ZNF407: variants seen among roughly 807,000 people sequenced by gnomAD.
ZNF407 encodes zinc finger protein 407.
In ZNF407, 17 loss-of-function variants were observed where a neutral mutation model predicts 131.2. That is an observed-to-expected ratio of 0.13 (90% CI 0.09 to 0.19). The LOEUF (loss-of-function observed/expected upper bound fraction) is 0.19. Ranked by LOEUF, ZNF407 falls within the 10% of genes least tolerant of loss-of-function variation. The pLI is 1.00. For synonymous variants in ZNF407, 1,156 were observed against 1,062.0 expected (o/e 1.09, Z -1.72); for missense variants, 2,681 against 2,830.6 (o/e 0.95, Z 1.20).
At chr18:74,614,058 A>G (rs1599130416) in intron 1 of ZNF407, among the ~76,000 whole-genome samples, 1 of 152,312 alleles carries the variant, frequency 6.6e-6, no homozygotes, top group African/African-American at 2.4e-5. Context: ...TCAGAGTTTG[A>G]TATATGATTA....
intron 8 of ZNF407, among the ~76,000 whole-genome samples, chr18:74,944,420 A>G (rs1972132440): frequency 6.6e-6 from 1 of 152,204 alleles, no homozygotes; most frequent in Non-Finnish European, 1.5e-5. Flanking sequence ...TTGCCATCAA[A>G]GATGTATGGC....
intron 4 of ZNF407, among the ~76,000 whole-genome samples, chr18:74,874,489 C>T (rs1971128755): frequency 6.6e-6 from 1 of 152,166 alleles, no homozygotes; most frequent in Non-Finnish European, 1.5e-5. Context: ...GGAGGGGCAT[C>T]TCCTTGGGGG....
At chr18:74,849,284 T>G (rs1391678531) in intron 4 of ZNF407, among the ~76,000 whole-genome samples, 1 of 152,000 alleles carries the variant, frequency 6.6e-6, no homozygotes, top group African/African-American at 2.4e-5. Context: ...TTCGCTATAT[T>G]GGGCAAGCTG....
chr18:74,845,251 T>A (rs1435028363), intron 4 of ZNF407, among the ~76,000 whole-genome samples: 2 of 152,252 alleles, frequency 1.3e-5, no homozygotes, highest in Non-Finnish European at 2.9e-5. Context: ...TCCTTGAGTT[T>A]ATGTTTGCTT....
chr18:74,819,632 CT>C (rs953428850), intron 4 of ZNF407, among the ~76,000 whole-genome samples: 18 of 152,148 alleles, frequency 1.2e-4, no homozygotes, highest in African/African-American at 4.3e-4. Context: ...TGTGCTCTTT[CT>C]TTTGTTCCTC....
At chr18:74,662,756 A>T (rs1313178794) in intron 3 of ZNF407, among the ~76,000 whole-genome samples, 1 of 152,202 alleles carries the variant, frequency 6.6e-6, no homozygotes, top group Non-Finnish European at 1.5e-5. Context: ...TATTATTGCA[A>T]CTTGAAGGCT....
chr18:74,785,780 ACACATGTCACC>A (rs1969692891), intron 4 of ZNF407, among the ~76,000 whole-genome samples: 1 of 143,458 alleles, frequency 7.0e-6, no homozygotes, highest in Non-Finnish European at 1.5e-5. Context: ...CACATGGCAC[ACACATGTCACC>A]CACATGGCAC....
At chr18:74,883,956 T>C (rs931560006) in intron 6 of ZNF407, among the ~76,000 whole-genome samples, 2 of 152,192 alleles carry the variant, frequency 1.3e-5, no homozygotes, top group African/African-American at 4.8e-5. Context: ...GAAAAGCACA[T>C]GTACAGGTAG....
intron 4 of ZNF407, among the ~76,000 whole-genome samples, chr18:74,849,524 G>C (rs1970751913): frequency 6.6e-6 from 1 of 151,112 alleles, no homozygotes; most frequent in South Asian, 2.1e-4. Flanking sequence ...TGTGTGGTCA[G>C]GGGTGGGGGA....
chr18:74,817,888 G>T lies in ZNF407; in HGVS notation c.4877+36386G>T, dbSNP rs1970289264. Among the ~76,000 whole-genome samples the T allele has an allele frequency of 2.0e-5, 3 of 152,126 alleles. No homozygotes were observed. The South Asian group carries it at 6.2e-4, about 32-fold the overall frequency. On this transcript the variant is annotated intron_variant, in intron 4 of 8. Transcript: ENST00000299687. Reference sequence around the variant, plus strand: ...TGGACCATTTTAAAGCCAATGATAGGTTCTAAAGCAATCTCAACCTGAGTG... The same window carrying T: ...TGGACCATTTTAAAGCCAATGATAGTTTCTAAAGCAATCTCAACCTGAGTG...
chr18:74,673,642 A>C (rs1986241495), intron 3 of ZNF407, among the ~76,000 whole-genome samples: 1 of 152,204 alleles, frequency 6.6e-6, no homozygotes, highest in South Asian at 2.1e-4. Flanking sequence ...TGCTTTTCAC[A>C]TTTAGATCAC....
chr18:74,945,179 G>A (rs1972141505), intron 8 of ZNF407, among the ~76,000 whole-genome samples: 1 of 152,098 alleles, frequency 6.6e-6, no homozygotes, highest in South Asian at 2.1e-4. Flanking sequence ...ACTTGTAAGT[G>A]TGAATCAAAA....
intron 3 of ZNF407, among the ~76,000 whole-genome samples, chr18:74,686,801 T>C (rs938589957): frequency 1.3e-5 from 2 of 152,252 alleles, no homozygotes; most frequent in Non-Finnish European, 2.9e-5. Flanking sequence ...GTAAATTTTT[T>C]CTTTACCTTA....
chr18:74,601,305 T>G (rs992175794), intron 1 of ZNF407, among the ~76,000 whole-genome samples: 2 of 141,168 alleles, frequency 1.4e-5, no homozygotes, highest in Non-Finnish European at 3.1e-5. Flanking sequence ...CTTCAGTTAG[T>G]TGTGTGTGTG....
intron 1 of ZNF407, among the ~76,000 whole-genome samples, chr18:74,606,850 T>C (rs62097586): frequency 0.15 from 22,662 of 152,266 alleles, 2,018 homozygotes; most frequent in African/African-American, 0.23. Context: ...ATATCCGGTG[T>C]AATTCAGAGA....
chr18:74,895,408 G>A (rs958511495), intron 7 of ZNF407, among the ~76,000 whole-genome samples: 7 of 151,998 alleles, frequency 4.6e-5, no homozygotes, highest in Non-Finnish European at 8.8e-5. Flanking sequence ...GACTGGCACA[G>A]GGCAAATTTG....
intron 3 of ZNF407, among the ~76,000 whole-genome samples, chr18:74,700,647 T>G (rs1967471100): frequency 6.6e-6 from 1 of 152,230 alleles, no homozygotes; most frequent in Admixed American, 6.5e-5. Context: ...TAAAATAGTT[T>G]CTGTGATGAC....
chr18:74,857,205 G>A lies in ZNF407; in HGVS notation c.4878-19992G>A, dbSNP rs146488113. ...CACCAGCAGCAATGACTATTCACAG[G>A]CACTTCAGAGGCTGATATTCGACGT... On this transcript the variant is annotated intron_variant, in intron 4 of 8. Transcript: ENST00000299687. Among the ~76,000 whole-genome samples, 5 of 152,264 alleles carry A rather than the reference G, an allele frequency of 3.3e-5. No homozygotes were observed. The East Asian group carries it at 9.6e-4, about 29-fold the overall frequency.
chr18:74,970,678 C>T (rs530811843), intron 8 of ZNF407, among the ~76,000 whole-genome samples: 11 of 152,346 alleles, frequency 7.2e-5, no homozygotes, highest in African/African-American at 9.6e-5. Context: ...TATAGCCCCC[C>T]TCCTGGCTGC....
Sources: allele counts gnomAD v4.1 joint callset (sites outside exome capture counted in the v4.1 genomes callset), GRCh38; gene constraint gnomAD v4.1.1; transcripts MANE v1.5; gene names NCBI Gene and HGNC (gene_info 2026-07-23, HGNC 2026-07-21).